Variants in PTGER4 observed in about 807,000 individuals in gnomAD.
The protein encoded by PTGER4 is prostaglandin E2 receptor EP4 subtype.
In PTGER4, 11 loss-of-function variants were observed where a neutral mutation model predicts 33.2. The ratio of observed to expected loss-of-function variants is 0.33; its 90% CI spans 0.21 to 0.55. PTGER4 has a LOEUF of 0.55. Ranked by LOEUF, PTGER4 falls within the 20% of genes least tolerant of loss-of-function variation. The pLI is 0.92. For missense variants in PTGER4, 481 were observed against 650.2 expected (o/e 0.74, Z 2.83); for synonymous variants, 275 against 281.5 (o/e 0.98, Z 0.23).
downstream of PTGER4, among the ~76,000 whole-genome samples, chr5:40,697,570 C>T (rs1299715126): frequency 4.3e-5 from 5 of 115,454 alleles, no homozygotes; most frequent in African/African-American, 6.6e-5. Context: ...GGGCAGCGAG[C>T]GAAATTCCAT....
the PTGER4 span, among the ~76,000 whole-genome samples, chr5:40,732,978 T>C: frequency 6.6e-6 from 1 of 151,852 alleles, no homozygotes; most frequent in South Asian, 2.1e-4. Context: ...GAGAGCAGCA[T>C]ATAAAGCAAG....
the PTGER4 span, among the ~76,000 whole-genome samples, chr5:40,705,185 C>T: frequency 2.0e-5 from 3 of 151,976 alleles, no homozygotes; most frequent in Non-Finnish European, 4.4e-5. Context: ...TCTATGAGCA[C>T]CTGATCTTTG....
the PTGER4 span, chr5:40,730,114 C>G: frequency 1.6e-6 from 1 of 606,528 alleles, no homozygotes; most frequent in South Asian, 2.4e-5. Context: ...AAGACAGAAC[C>G]ATAAATAATG....
chr5:40,697,226 A>AAAAGAGAGAG (rs1554024593), downstream of PTGER4, among the ~76,000 whole-genome samples: 1 of 112,566 alleles, frequency 8.9e-6, no homozygotes, highest in Admixed American at 8.5e-5. Context: ...AAGAAAGAAG[A>AAAAGAGAGAG]AAAGAAAGAA....
chr5:40,736,893 T>C, the PTGER4 span, among the ~76,000 whole-genome samples: 2 of 152,198 alleles, frequency 1.3e-5, no homozygotes, highest in Non-Finnish European at 2.9e-5. Flanking sequence ...CTATACTCAC[T>C]ATACCATCTC....
At chr5:40,720,173 T>C in the PTGER4 span, among the ~76,000 whole-genome samples, 1 of 152,248 alleles carries the variant, frequency 6.6e-6, no homozygotes, top group Non-Finnish European at 1.5e-5. Flanking sequence ...AGTTTTATAA[T>C]ACTTTTAGTT....
rs916753982 is a variant in PTGER4 at position 40,683,217 on chromosome 5, G to T, written c.867+1357G>T. Among the ~76,000 whole-genome samples, 1 of 152,106 alleles carries T rather than the reference G, an allele frequency of 6.6e-6. No homozygotes were observed. The highest frequency in any genetic ancestry group is 6.5e-5 in the Admixed American group (1 of 15,268). On this transcript the variant is annotated intron_variant, in intron 2 of 2. Transcript: ENST00000302472. The surrounding 1 kb of genome is among the most constrained non-coding windows in gnomAD (Gnocchi z 4.2). ...CCTTTTCCTTATTGATACTGTCCAG[G>T]GATCTTTGGTGTAAAAATATATCTT...
chr5:40,692,170 G>A lies in PTGER4; in HGVS notation c.1259G>A (p.Gly420Asp), dbSNP rs150161811. The A allele has an allele frequency of 9.0e-5, 146 of 1,614,216 alleles. No homozygotes were observed. The African/African-American group carries it at 1.7e-3, about 19-fold the overall frequency. Residue 420 changes from glycine to aspartate, a missense_variant, in exon 3 of 3, where the codon GGC (glycine) becomes GAC (aspartate). Physicochemically the swap from Gly to Asp is moderately conservative, Grantham distance 94 (BLOSUM62 -1). Coordinates refer to ENST00000302472, the MANE Select transcript of PTGER4 (RefSeq NM_000958.3). ...AGGAATTTGCTTCCAGGTGTGCCTG[G>A]CATGGGCCTGGCCCAGGAAGACACC... ...GGRNLLPGVP[G>D]MGLAQEDTTS...
At chr5:40,743,083 C>A in the PTGER4 span, among the ~76,000 whole-genome samples, 2 of 152,134 alleles carry the variant, frequency 1.3e-5, no homozygotes, top group Non-Finnish European at 2.9e-5. Flanking sequence ...ATATTCTAAA[C>A]ACACTAAATA....
Position 40,681,943 on chromosome 5 carries a change from C to G in PTGER4, c.867+83C>G, listed in dbSNP as rs1741205812. On this transcript the variant is annotated intron_variant, in intron 2 of 2. Transcript: ENST00000302472. This position sits in a 1 kb window ranked among gnomAD's most constrained non-coding sequence, Gnocchi z 9.8. ...CCATTCCCCGCTCCCTGCTTTCCCT[C>G]TGAGTCCTTGGCAGTGAACGTGTCG... 1.2e-5 allele frequency: 17 copies of G among 1,434,952 alleles called. No individual in the cohort carries two copies. Among genetic ancestry groups the G allele is most frequent in the Non-Finnish European group, 1.6e-5 (17 of 1,086,948 alleles). 88.9% of individuals were successfully genotyped at this position (1,434,952 alleles called of 1,614,324 possible). A position where few individuals can be genotyped will look rare whatever the true frequency, so the allele number is the denominator to read the frequency against.
the PTGER4 span, among the ~76,000 whole-genome samples, chr5:40,724,292 T>A: frequency 6.6e-6 from 1 of 152,206 alleles, no homozygotes; most frequent in South Asian, 2.1e-4. Flanking sequence ...TTCTGCATAA[T>A]TCCACTTATA....
the PTGER4 span, among the ~76,000 whole-genome samples, chr5:40,708,759 T>C: frequency 1.3e-5 from 2 of 152,220 alleles, no homozygotes; most frequent in Non-Finnish European, 1.5e-5. Context: ...ATATCCCTGA[T>C]GAACATCGAT....
At chr5:40,689,121 A>G (rs1741403191) in intron 2 of PTGER4, among the ~76,000 whole-genome samples, 2 of 152,256 alleles carry the variant, frequency 1.3e-5, no homozygotes, top group African/African-American at 2.4e-5. Context: ...TATTCACTCT[A>G]AGTGGAATAA....
chr5:40,721,543 C>A, the PTGER4 span, among the ~76,000 whole-genome samples: 2 of 151,916 alleles, frequency 1.3e-5, no homozygotes, highest in Admixed American at 6.6e-5. Flanking sequence ...CTGGGAAAAC[C>A]GGATATCCGC....
At chr5:40,734,674 A>G in the PTGER4 span, among the ~76,000 whole-genome samples, 74 of 152,336 alleles carry the variant, frequency 4.9e-4, no homozygotes, top group African/African-American at 1.5e-3. Flanking sequence ...TTAATGAGCT[A>G]TATAGTTAAC....
At position 40,692,120 on chromosome 5, in the gene PTGER4, C is replaced by A; in HGVS notation, c.1209C>A (p.Asp403Glu). The A allele has an allele frequency of 6.2e-7, 1 of 1,614,250 alleles. No homozygotes were observed. Among genetic ancestry groups the A allele is most frequent in the South Asian group, 1.1e-5 (1 of 91,088 alleles). ...QTLLPDLSLP[D>E]LSENGLGGRN... is the part of the protein sequence containing the mutation. ...TCCTGCCAGACCTCTCACTGCCAGA[C>A]CTCAGTGAAAATGGCCTTGGAGGCA... Residue 403 changes from aspartate to glutamate, a missense_variant, in exon 3 of 3, where the codon GAC becomes GAA. Transcript: ENST00000302472.
At chr5:40,685,045 C>A (rs995433501) in intron 2 of PTGER4, among the ~76,000 whole-genome samples, 14 of 152,140 alleles carry the variant, frequency 9.2e-5, no homozygotes, top group African/African-American at 2.9e-4. Flanking sequence ...TTATTATAAT[C>A]AAATATTTTG....
the PTGER4 span, among the ~76,000 whole-genome samples, chr5:40,700,279 C>T: frequency 6.6e-6 from 1 of 152,342 alleles, no homozygotes; most frequent in South Asian, 2.1e-4. Context: ...TCCACAAGGC[C>T]TGGGCCTCCA....
chr5:40,695,799 C>T (rs1273574715), downstream of PTGER4, among the ~76,000 whole-genome samples: 1 of 152,146 alleles, frequency 6.6e-6, no homozygotes. Flanking sequence ...AAGGTAAAGA[C>T]CACTGTCCTA....
Sources: allele counts gnomAD v4.1 joint callset (sites outside exome capture counted in the v4.1 genomes callset), GRCh38; gene constraint gnomAD v4.1.1; non-coding constraint Gnocchi (gnomAD v3.1); transcripts MANE v1.5; gene names NCBI Gene and HGNC (gene_info 2026-07-23, HGNC 2026-07-21).